The following TSNAXIP1 variants were observed in gnomAD, a reference collection of about 807,000 sequenced individuals.
TSNAXIP1 encodes translin-associated factor X-interacting protein 1.
In TSNAXIP1, 89 loss-of-function variants were observed where a neutral mutation model predicts 84.8. That is an observed-to-expected ratio of 1.05 (90% confidence interval 0.88 to 1.25). The LOEUF (loss-of-function observed/expected upper bound fraction) is 1.25. Among genes scored for constraint, TSNAXIP1 ranks in the 50% most tolerant of loss-of-function variants. The probability of loss-of-function intolerance (pLI) is 0.00; values close to 1 mark genes in which losing one functional copy is unlikely to be tolerated. For missense variants in TSNAXIP1, 874 were observed against 887.6 expected (o/e 0.98, Z 0.20); for synonymous variants, 347 against 335.2 (o/e 1.04, Z -0.39).
chr16:67,825,740 G>A lies in TSNAXIP1; in HGVS notation c.888G>A (p.Gln296=), dbSNP rs1159623504. Residue 296 remains glutamine, a synonymous_variant, in exon 8 of 16, where the codon CAG becomes CAA. Transcript: ENST00000561639. ...CCCGGCAAGACCTGACCCGCACGCAGATGGAACTCAACAACATGAAGGCCA... is the reference window on the plus strand; with the variant it reads ...CCCGGCAAGACCTGACCCGCACGCAAATGGAACTCAACAACATGAAGGCCA... ...KMTRQDLTRT[Q]MELNNMKANF... The A allele has an allele frequency of 6.2e-7, 1 of 1,614,212 alleles. No individual in the cohort carries two copies. Among genetic ancestry groups the A allele is most frequent in the East Asian group, 2.2e-5 (1 of 44,886 alleles).
Position 67,821,093 on chromosome 16 carries a change from C to T in TSNAXIP1, c.261-6C>T. On this transcript the variant is annotated splice_polypyrimidine_tract_variant and splice_region_variant and intron_variant, in intron 3 of 15. Coordinates refer to ENST00000561639, the MANE Select transcript of TSNAXIP1 (RefSeq NM_001288990.3). ...CTGGCCACATATCAGCCACTGTCCC[C>T]TGCAGGAGCTGCCAGCAGCACCCCT... 6.2e-7 allele frequency: 1 copy of T among 1,613,326 alleles called. No individual in the cohort carries two copies. Among genetic ancestry groups the T allele is most frequent in the Non-Finnish European group, 8.5e-7 (1 of 1,179,810 alleles).
intron 2 of TSNAXIP1, among the ~76,000 whole-genome samples, chr16:67,816,823 TTAA>T (rs1174601597): frequency 7.9e-5 from 12 of 151,930 alleles, no homozygotes; most frequent in Non-Finnish European, 1.2e-4. Flanking sequence ...CCCTCAGCTG[TTAA>T]TAACCTAGCC....
In TSNAXIP1 at chr16:67,826,717, TC is replaced by T. The variant is rs2057484745; in HGVS notation, c.1428del (p.Phe476LeufsTer33). 4 of 1,613,760 alleles carry T rather than the reference TC, an allele frequency of 2.5e-6. No individual in the cohort carries two copies. In the African/African-American group the frequency reaches 5.3e-5, roughly 22 times the overall value. On this transcript the variant is annotated frameshift_variant, in exon 12 of 16. Coordinates refer to ENST00000561639, the MANE Select transcript of TSNAXIP1 (RefSeq NM_001288990.3). LOFTEE classifies it high-confidence loss of function. Reference sequence around the variant, plus strand: ...AAAGAGACGTTCCCAGATTTCTTCTTCAATTTCCTGGAGCATCGCTTTGGGC... The same window carrying T: ...AAAGAGACGTTCCCAGATTTCTTCTTAATTTCCTGGAGCATCGCTTTGGGC... Reference protein sequence around the residue: ...EQKETFPDFFFNFLEHRFGPS... With the variant: ...EQKETFPDFFXNFLEHRFGPS...
chr16:67,820,637 C>T (rs940767607), intron 2 of TSNAXIP1, among the ~76,000 whole-genome samples: 2 of 151,830 alleles, frequency 1.3e-5, no homozygotes, highest in Admixed American at 6.6e-5. Flanking sequence ...CTCAACTATT[C>T]GGGAGGCTGA....
chr16:67,807,268 C>T lies in TSNAXIP1; in HGVS notation c.47+72C>T, dbSNP rs1335845822. On this transcript the variant is annotated intron_variant, in intron 1 of 15. Transcript: ENST00000561639. ...CTAGAGAGGGAAATGGCACTTGATC[C>T]GGACCTCTGCACCTCCTGCTGGCCT... 3 of 1,535,514 alleles carry T rather than the reference C, an allele frequency of 2.0e-6. No homozygotes were observed. The Admixed American group carries it at 5.9e-5, about 30-fold the overall frequency.
intron 1 of TSNAXIP1, chr16:67,807,420 C>T: frequency 6.7e-7 from 1 of 1,500,768 alleles, no homozygotes; most frequent in African/African-American, 1.4e-5. Context: ...TAACAACCAG[C>T]TTGTATTGAA....
At chr16:67,819,119 G>C (rs1219920436) in intron 2 of TSNAXIP1, among the ~76,000 whole-genome samples, 1 of 152,026 alleles carries the variant, frequency 6.6e-6, no homozygotes, top group African/African-American at 2.4e-5. Flanking sequence ...GCAGTGAGCA[G>C]AGATCGTGCT....
At chr16:67,823,804 G>A (rs943894093) in intron 5 of TSNAXIP1, 85 bp downstream of exon 5, 3 of 1,222,402 alleles carry the variant, frequency 2.5e-6, no homozygotes, top group Admixed American at 1.9e-5. Context: ...ATCACTTGAG[G>A]TCAGGAGTTT....
Position 67,821,062 on chromosome 16 carries a change from G to A in TSNAXIP1, c.261-37G>A, listed in dbSNP as rs2057009926. On this transcript the variant is annotated intron_variant, in intron 3 of 15. Coordinates refer to ENST00000561639, the MANE Select transcript of TSNAXIP1 (RefSeq NM_001288990.3). ...AGACTGAGGGCACAAGGGCCCCGTGGGGGTGCTGGCCACATATCAGCCACT... is the reference window on the plus strand; with the variant it reads ...AGACTGAGGGCACAAGGGCCCCGTGAGGGTGCTGGCCACATATCAGCCACT... 2.5e-6 allele frequency: 4 copies of A among 1,612,156 alleles called. No individual in the cohort carries two copies. In the African/African-American group the frequency reaches 4.0e-5, roughly 16 times the overall value.
chr16:67,826,348 A>G, intron 10 of TSNAXIP1, 66 bp downstream of exon 10: 2 of 1,601,442 alleles, frequency 1.2e-6, no homozygotes, highest in Non-Finnish European at 8.5e-7. Context: ...CTGCTCAGAC[A>G]AGCTTTTGGG....
chr16:67,813,625 C>T (rs771111538), intron 1 of TSNAXIP1, among the ~76,000 whole-genome samples: 15 of 145,508 alleles, frequency 1.0e-4, no homozygotes, highest in East Asian at 6.2e-4. Flanking sequence ...CCCAGCTACT[C>T]GGGATGCTGA....
chr16:67,808,131 C>G (rs2055647868), intron 1 of TSNAXIP1, among the ~76,000 whole-genome samples: 1 of 151,964 alleles, frequency 6.6e-6, no homozygotes, highest in African/African-American at 2.4e-5. Flanking sequence ...GCTCTTGACA[C>G]AGCTCTTGTA....
chr16:67,807,355 C>G, intron 1 of TSNAXIP1, 159 bp downstream of exon 1: 14 of 1,533,222 alleles, frequency 9.1e-6, no homozygotes, highest in Non-Finnish European at 1.2e-5. Flanking sequence ...GCTGATTTAG[C>G]CCAGTGAAGA....
rs776688882 is a variant in TSNAXIP1, at chr16:67,814,397, C to T, written c.143C>T (p.Thr48Met). 93 of 1,535,610 alleles carry T rather than the reference C, an allele frequency of 6.1e-5. No individual in the cohort carries two copies. Among genetic ancestry groups the T allele is most frequent in the African/African-American group, 1.1e-4 (8 of 73,018 alleles). Residue 48 changes from threonine to methionine, a missense_variant, in exon 2 of 16, where the codon ACG (threonine) becomes ATG (methionine). Physicochemically the swap from Thr to Met is moderately conservative, Grantham distance 81. Coordinates refer to ENST00000561639, the MANE Select transcript of TSNAXIP1 (RefSeq NM_001288990.3). ...CGCAAGCTTCTTCAGAAACGAAGGA[C>T]GCTGGTTAGTGACAATGTTGTTTTG... Reference protein sequence around the residue: ...QNRKLLQKRRTLTGQFSMGGH... With the variant: ...QNRKLLQKRRMLTGQFSMGGH...
chr16:67,814,100 G>A (rs761514996), intron 1 of TSNAXIP1, among the ~76,000 whole-genome samples: 54 of 152,182 alleles, frequency 3.5e-4, no homozygotes, highest in Admixed American at 2.6e-3. Context: ...TTTTGGTGAT[G>A]AAAAGAATGT....
In TSNAXIP1 at chr16:67,822,428, G is replaced by C. The variant is rs967199157; in HGVS notation, c.388-1198G>C. ...GCAGCTCTGTGATCCCCAGTACCCAGGTTGGGCCACTGGACATCAGTGAAC... is the reference window on the plus strand; with the variant it reads ...GCAGCTCTGTGATCCCCAGTACCCACGTTGGGCCACTGGACATCAGTGAAC... On this transcript the variant is annotated intron_variant, in intron 4 of 15. Coordinates refer to ENST00000561639, the MANE Select transcript of TSNAXIP1 (RefSeq NM_001288990.3). Among the ~76,000 whole-genome samples the C allele has an allele frequency of 2.0e-5, 3 of 152,122 alleles. No individual in the cohort carries two copies. In the East Asian group the frequency reaches 5.8e-4, roughly 29 times the overall value.
At chr16:67,822,589 A>C (rs938726934) in intron 4 of TSNAXIP1, among the ~76,000 whole-genome samples, 4 of 151,986 alleles carry the variant, frequency 2.6e-5, no homozygotes, top group Non-Finnish European at 5.9e-5. Flanking sequence ...AGAGAGAGAG[A>C]GATCAGATCC....
intron 8 of TSNAXIP1, 39 bp downstream of exon 8, chr16:67,825,875 G>C (rs780665634): frequency 6.2e-7 from 1 of 1,614,072 alleles, no homozygotes; most frequent in South Asian, 1.1e-5. Context: ...GTAGGACGGG[G>C]TCTCACAGGT....
At chr16:67,814,939 C>T (rs953608088) in intron 2 of TSNAXIP1, among the ~76,000 whole-genome samples, 3 of 152,076 alleles carry the variant, frequency 2.0e-5, no homozygotes, top group Admixed American at 6.6e-5. Flanking sequence ...CACTCCGGAT[C>T]TCTCCGCCAT....
Sources: gnomAD v4.1 joint callset for allele counts (sites outside exome capture counted in the v4.1 genomes callset) on GRCh38, gnomAD v4.1.1 for gene constraint, MANE v1.5 for transcripts, NCBI Gene and HGNC (gene_info 2026-07-23, HGNC 2026-07-21) for gene names.